Variants in HACD1 observed in about 807,000 individuals in gnomAD.
HACD1 encodes 3-hydroxyacyl-CoA dehydratase 1.
HACD1 carries 41 observed loss-of-function variants against 32.0 expected under a neutral mutation model. The ratio of observed to expected loss-of-function variants is 1.28; its 90% confidence interval spans 1.00 to 1.66. The LOEUF is 1.66. Ranked by LOEUF, HACD1 falls within the 40% of genes most tolerant of loss-of-function variation. The pLI is 0.00. For synonymous variants in HACD1, 142 were observed against 139.0 expected, an observed-to-expected ratio of 1.02 and a Z score of -0.15; for missense variants, 396 against 380.1, an observed-to-expected ratio of 1.04 and a Z score of -0.35.
chr10:17,608,095 G>A (rs1169880776), intron 1 of HACD1, among the ~76,000 whole-genome samples: 2 of 152,014 alleles, frequency 1.3e-5, no homozygotes, highest in African/African-American at 4.8e-5. Context: ...TGGCAGCCTT[G>A]GGTTCCCAGG....
At chr10:17,593,395 A>G (rs1412055057) in intron 6 of HACD1, among the ~76,000 whole-genome samples, 2 of 151,630 alleles carry the variant, frequency 1.3e-5, no homozygotes, top group Non-Finnish European at 2.9e-5. Flanking sequence ...AGTTCACTGC[A>G]ACTTCTGCCT....
At chr10:17,616,171 A>G (rs1554818050) in intron 1 of HACD1, among the ~76,000 whole-genome samples, 1 of 151,976 alleles carries the variant, frequency 6.6e-6, no homozygotes, top group Non-Finnish European at 1.5e-5. Flanking sequence ...CGGGAGGCTG[A>G]GGCAGAAGAA....
At chr10:17,591,330 C>G (rs1269147145) in intron 6 of HACD1, among the ~76,000 whole-genome samples, 1 of 152,112 alleles carries the variant, frequency 6.6e-6, no homozygotes, top group Non-Finnish European at 1.5e-5. Context: ...GGTTAGGGCC[C>G]AGATGCATGC....
chr10:17,610,791 C>T (rs1457177220), intron 1 of HACD1, among the ~76,000 whole-genome samples: 4 of 152,136 alleles, frequency 2.6e-5, no homozygotes, highest in African/African-American at 9.7e-5. Flanking sequence ...TCCAACTTTA[C>T]AGATGAGAAA....
In HACD1 at chr10:17,590,460, G is replaced by A; in HGVS notation, c.785-14C>T. On this transcript the variant is annotated splice_polypyrimidine_tract_variant and intron_variant, in intron 6 of 6. Transcript: ENST00000361271. The stretch of plus-strand genomic sequence containing the variant: ...GTTGTGGAAACACTTCATTGAAAAA[G>A]AAAACAAAGAAAAACAAGCTATTGC... The A allele has an allele frequency of 6.5e-7, 1 of 1,533,378 alleles. No individual in the cohort carries two copies. The highest frequency in any genetic ancestry group is 8.9e-7 in the Non-Finnish European group (1 of 1,125,110). The allele number at this position is 1,533,378 out of a possible 1,614,324, so 95.0% of individuals were successfully genotyped here.
intron 5 of HACD1, 82 bp downstream of exon 5, chr10:17,599,208 C>T: frequency 6.4e-7 from 1 of 1,554,630 alleles, no homozygotes. Flanking sequence ...GGGGCTGAAA[C>T]ACGAATTTTA....
rs782674031 is a variant in HACD1, at chr10:17,594,332, A to C, written c.657T>G (p.Leu219=). The C allele has an allele frequency of 7.4e-5, 118 of 1,586,612 alleles. No individual in the cohort carries two copies. The highest frequency in any genetic ancestry group is 9.6e-5 in the Non-Finnish European group (112 of 1,167,208). ...LYPVGVAGEL[L]TIYAALPHVK... ...CATGCGGCAAGGCAGCGTATATTGT[A>C]AGAAGTTCACCAGCAACTCCAACAG... Residue 219 remains leucine (L), a synonymous_variant, in exon 6 of 7, where the codon CTT becomes CTG. Transcript: ENST00000361271.
chr10:17,617,183 A>G lies in HACD1; in HGVS notation c.157T>C (p.Ser53Pro). 6.7e-7 allele frequency: 1 copy of G among 1,503,234 alleles called. No individual in the cohort carries two copies. Among genetic ancestry groups the G allele is most frequent in the Non-Finnish European group, 8.8e-7 (1 of 1,130,882 alleles). The allele number at this position is 1,503,234 out of a possible 1,614,324, so 93.1% of individuals were successfully genotyped here. ...GCCTCCCGGTCCTCGCCGGCCTCCG[A>G]GGCGCCGCCGTTGGTGCCGTCCTCG... is the stretch of plus-strand genomic sequence containing the variant. ...SDEDGTNGGA[S>P]EAGEDREAPG... The change falls in exon 1 of 7, where the codon TCG becomes CCG. Residue 53 changes from serine (S) to proline (P), a missense_variant. Physicochemically the swap from Ser to Pro is moderately conservative, Grantham distance 74 (BLOSUM62 -1). Coordinates refer to ENST00000361271, the MANE Select transcript of HACD1 (RefSeq NM_014241.4).
chr10:17,613,113 TGTGTGTGTGTGTGTGTGTGTGTGTGTGTG>T (rs1833016135), intron 1 of HACD1, among the ~76,000 whole-genome samples: 1 of 133,220 alleles, frequency 7.5e-6, no homozygotes, highest in East Asian at 2.5e-4. Context: ...TGTGTGTGTG[TGTGTGTGTGTGTGTGTGTGTGTGTGTGTG>T]TGTGTTTTGT....
At chr10:17,598,833 G>T (rs1834029228) in intron 5 of HACD1, among the ~76,000 whole-genome samples, 1 of 151,862 alleles carries the variant, frequency 6.6e-6, no homozygotes, top group Non-Finnish European at 1.5e-5. Context: ...TTTTAAGTAA[G>T]TGTGACTTTT....
chr10:17,611,697 T>C (rs1564511654), intron 1 of HACD1, among the ~76,000 whole-genome samples: 1 of 152,108 alleles, frequency 6.6e-6, no homozygotes, highest in Non-Finnish European at 1.5e-5. Flanking sequence ...CCAGGTGTGG[T>C]GGCTCACGCC....
At position 17,590,438 on chromosome 10, in the gene HACD1, G is replaced by C; in HGVS notation, c.793C>G (p.Gln265Glu). The change falls in exon 7 of 7, where the codon CAA becomes GAA. Residue 265 changes from glutamine (Q) to glutamate (E), a missense_variant. By Grantham distance (29) the Gln-to-Glu change is conservative (BLOSUM62 2). Transcript: ENST00000361271. The stretch of plus-strand genomic sequence containing the variant: ...TGACGTAACATATGAAAATAGAGTT[G>C]TGGAAACACTTCATTGAAAAAGAAA... ...TMASYIPLFP[Q>E]LYFHMLRQRR... 6.3e-7 allele frequency: 1 copy of C among 1,584,912 alleles called. No homozygotes were observed. Among genetic ancestry groups the C allele is most frequent in the African/African-American group, 1.4e-5 (1 of 73,868 alleles).
At chr10:17,612,822 T>C (rs1295657154) in intron 1 of HACD1, among the ~76,000 whole-genome samples, 1 of 150,880 alleles carries the variant, frequency 6.6e-6, no homozygotes, top group Admixed American at 6.6e-5. Context: ...CTCAGGAGAC[T>C]GAGGCAGGAG....
chr10:17,606,105 C>A (rs1275738837), intron 1 of HACD1, among the ~76,000 whole-genome samples: 1 of 151,848 alleles, frequency 6.6e-6, no homozygotes, highest in African/African-American at 2.4e-5. Flanking sequence ...AGCACAGAGG[C>A]GCTGGTTGCA....
chr10:17,591,346 G>A (rs1331343358), intron 6 of HACD1, among the ~76,000 whole-genome samples: 4 of 152,096 alleles, frequency 2.6e-5, no homozygotes, highest in African/African-American at 4.8e-5. Context: ...CATGCTCATT[G>A]CCCTCTGGGT....
intron 1 of HACD1, among the ~76,000 whole-genome samples, chr10:17,614,471 G>A (rs1306009506): frequency 7.3e-6 from 1 of 136,178 alleles, no homozygotes; most frequent in African/African-American, 2.7e-5. Flanking sequence ...TGGCTAGGCT[G>A]GTCTCAGGCG....
chr10:17,599,247 C>A, intron 5 of HACD1, 43 bp downstream of exon 5: 5 of 1,604,428 alleles, frequency 3.1e-6, no homozygotes, highest in Non-Finnish European at 4.3e-6. Context: ...ACAAAATAAG[C>A]ATGCACAGGA....
At chr10:17,597,725 G>A (rs74117867) in intron 5 of HACD1, among the ~76,000 whole-genome samples, 1 of 151,796 alleles carries the variant, frequency 6.6e-6, no homozygotes, top group Admixed American at 6.6e-5. Flanking sequence ...TGTGTTCTAG[G>A]ATTAGAGTCC....
At chr10:17,594,860 GT>G (rs782281787) in intron 5 of HACD1, among the ~76,000 whole-genome samples, 5 of 139,000 alleles carry the variant, frequency 3.6e-5, no homozygotes, top group Non-Finnish European at 7.8e-5. Context: ...TTTTTTTTTT[GT>G]TTTTTGTTTT....
Sources: allele counts gnomAD v4.1 joint callset (sites outside exome capture counted in the v4.1 genomes callset), GRCh38; gene constraint gnomAD v4.1.1; transcripts MANE v1.5; gene names NCBI Gene and HGNC (gene_info 2026-07-23, HGNC 2026-07-21).